Variants in SPATA24 observed in about 807,000 individuals in gnomAD.
The protein encoded by SPATA24 is spermatogenesis-associated protein 24.
Under a neutral mutation model 28.9 loss-of-function variants are expected in SPATA24, and 21 were observed. The ratio of observed to expected loss-of-function variants is 0.73; its 90% CI spans 0.52 to 1.05. The LOEUF is 1.05. SPATA24 is among the 50% of genes least tolerant of loss of function. SPATA24 has a pLI of 0.00. For synonymous variants in SPATA24, 76 were observed against 89.9 expected, an observed-to-expected ratio of 0.85 and a Z score of 0.88; for missense variants, 215 against 242.9, an observed-to-expected ratio of 0.88 and a Z score of 0.76.
chr5:139,393,955 T>C, downstream of SPATA24: 1 of 1,550,644 alleles, frequency 6.4e-7, no homozygotes, highest in Non-Finnish European at 8.7e-7. Context: ...GATCCTACAC[T>C]CAAAAGGCGG....
downstream of SPATA24, chr5:139,392,893 C>T (rs1015360813): frequency 1.3e-6 from 2 of 1,544,252 alleles, no homozygotes; most frequent in African/African-American, 1.4e-5. This position sits in a 1 kb window ranked among gnomAD's most constrained non-coding sequence, Gnocchi z 5.8. Context: ...GATCTCTGTG[C>T]GCTTGAAGGG....
At chr5:139,392,762 C>G, downstream of SPATA24, 1 of 1,438,934 alleles carries the variant, frequency 6.9e-7, no homozygotes, top group East Asian at 2.7e-5. The surrounding 1 kb of genome is among the most constrained non-coding windows in gnomAD (Gnocchi z 5.8). Flanking sequence ...CTGGTCCGAC[C>G]GTCGCCGTCG....
At chr5:139,403,236 C>T (rs1184272339) in intron 1 of SPATA24, among the ~76,000 whole-genome samples, 1 of 152,184 alleles carries the variant, frequency 6.6e-6, no homozygotes, top group Non-Finnish European at 1.5e-5. Context: ...AGGTCTCTCT[C>T]CCCTTTCCCC....
chr5:139,397,189 G>T, intron 4 of SPATA24, 46 bp from the exon 5 acceptor site: 1 of 1,445,092 alleles, frequency 6.9e-7, no homozygotes, highest in Non-Finnish European at 9.5e-7. Context: ...CCATCCCAGG[G>T]CTCCTTCCTG....
intron 4 of SPATA24, among the ~76,000 whole-genome samples, chr5:139,398,185 C>T (rs987464608): frequency 4.6e-5 from 7 of 152,150 alleles, no homozygotes; most frequent in Non-Finnish European, 1.0e-4. Flanking sequence ...GGAGTTGCCT[C>T]GATTTTCAGA....
Position 139,402,036 on chromosome 5 carries a change from C to A in SPATA24, c.193G>T (p.Ala65Ser), listed in dbSNP as rs1280899506. Residue 65 changes from alanine to serine, a missense_variant, in exon 3 of 6, where the codon GCT becomes TCT. Coordinates refer to ENST00000450845, the MANE Select transcript of SPATA24 (RefSeq NM_194296.2). ...AGGACCTTGGTTTTGGCATGGGCAG[C>A]TTTCTCTTCCTGCAGGGGCAGCAGC... Reference protein sequence around the residue: ...AVEKKLVEEKAAHAKTKVLLA... With the variant: ...AVEKKLVEEKSAHAKTKVLLA... 1 of 1,551,144 alleles carries A rather than the reference C, an allele frequency of 6.4e-7. No homozygotes were observed.
At chr5:139,397,004 GTCA>G (rs1408671455) in intron 5 of SPATA24, 34 bp downstream of exon 5, 41 of 1,551,484 alleles carry the variant, frequency 2.6e-5, no homozygotes, top group Non-Finnish European at 3.4e-5. Flanking sequence ...GCTCCCCAGT[GTCA>G]TCAACAACCC....
chr5:139,392,982 C>T, downstream of SPATA24: 2 of 1,508,408 alleles, frequency 1.3e-6, no homozygotes, highest in South Asian at 1.3e-5. The surrounding 1 kb of genome is among the most constrained non-coding windows in gnomAD (Gnocchi z 5.8). Context: ...TGTCGAAGGA[C>T]GGTTCAGGAG....
chr5:139,399,402 A>G (rs1453902182), intron 4 of SPATA24, among the ~76,000 whole-genome samples: 1 of 152,182 alleles, frequency 6.6e-6, no homozygotes, highest in Admixed American at 6.5e-5. Flanking sequence ...TAAGATTTCA[A>G]AAGAGAAGAC....
At chr5:139,392,994 C>T, downstream of SPATA24, 1 of 1,516,626 alleles carries the variant, frequency 6.6e-7, no homozygotes, top group Non-Finnish European at 8.8e-7. This position sits in a 1 kb window ranked among gnomAD's most constrained non-coding sequence, Gnocchi z 5.8. Context: ...GTTCAGGAGG[C>T]TCGTAGGGGT....
chr5:139,401,388 T>C (rs1758817005), intron 4 of SPATA24: 1 of 588,774 alleles, frequency 1.7e-6, no homozygotes, highest in Non-Finnish European at 3.0e-6. Flanking sequence ...GTCCTGACCC[T>C]GAGACTAAGG....
downstream of SPATA24, chr5:139,392,715 G>C (rs969351919): frequency 7.1e-7 from 1 of 1,399,708 alleles, no homozygotes; most frequent in Non-Finnish European, 9.3e-7. This position sits in a 1 kb window ranked among gnomAD's most constrained non-coding sequence, Gnocchi z 5.8. Flanking sequence ...GCCCTACGGG[G>C]GAGCGCTGGG....
chr5:139,403,278 TCTAAGAACAACTTAG>T (rs1202786527), intron 1 of SPATA24, among the ~76,000 whole-genome samples: 3 of 152,194 alleles, frequency 2.0e-5, no homozygotes, highest in Non-Finnish European at 2.9e-5. Flanking sequence ...GAAGAAATTG[TCTAAGAACAACTTAG>T]AATGAGAAGT....
downstream of SPATA24, chr5:139,393,539 C>T (rs1180477444): frequency 1.3e-6 from 2 of 1,551,210 alleles, no homozygotes; most frequent in Non-Finnish European, 8.7e-7. Flanking sequence ...GGAGATGGGC[C>T]CCAAGTTCCA....
chr5:139,395,381 C>T (rs1041247497), downstream of SPATA24: 13 of 338,736 alleles, frequency 3.8e-5, no homozygotes, highest in Non-Finnish European at 6.9e-5. Context: ...AGCCTTGGAG[C>T]CAGGAGTTAG....
chr5:139,400,020 G>A (rs1406664977), intron 4 of SPATA24, among the ~76,000 whole-genome samples: 2 of 152,240 alleles, frequency 1.3e-5, no homozygotes, highest in Admixed American at 6.5e-5. Flanking sequence ...CATGGGGGCA[G>A]TGACTGCCTG....
At chr5:139,397,401 G>A (rs561278217) in intron 4 of SPATA24, among the ~76,000 whole-genome samples, 63 of 152,342 alleles carry the variant, frequency 4.1e-4, no homozygotes, top group African/African-American at 1.5e-3. Context: ...GGTCCTTGGA[G>A]AGAAGTGGGC....
chr5:139,394,737 G>C, downstream of SPATA24: 1 of 1,533,332 alleles, frequency 6.5e-7, no homozygotes, highest in Non-Finnish European at 8.7e-7. Flanking sequence ...GTCCGACGCC[G>C]AAGATGACTT....
At chr5:139,394,807 G>A (rs1325280982), downstream of SPATA24, 3 of 1,529,352 alleles carry the variant, frequency 2.0e-6, no homozygotes, top group South Asian at 3.6e-5. Context: ...GCCGGAACCT[G>A]GGCCTCGCGG....
Sources: gnomAD v4.1 joint callset for allele counts (sites outside exome capture counted in the v4.1 genomes callset) on GRCh38, gnomAD v4.1.1 for gene constraint, Gnocchi (gnomAD v3.1) non-coding constraint, MANE v1.5 for transcripts, NCBI Gene and HGNC (gene_info 2026-07-23, HGNC 2026-07-21) for gene names.